Variants in F13A1 observed in about 807,000 individuals in gnomAD.
F13A1 encodes coagulation factor XIII A chain.
A neutral mutation model predicts 80.1 loss-of-function variants in F13A1; 47 were observed. The ratio of observed to expected loss-of-function variants is 0.59; its 90% CI spans 0.46 to 0.75. The LOEUF is 0.75. F13A1 is among the 30% of genes least tolerant of loss of function. The pLI is 0.00. For synonymous variants in F13A1, 349 were observed against 344.9 expected, an observed-to-expected ratio of 1.01 and a Z score of -0.13; for missense variants, 817 against 930.4, an observed-to-expected ratio of 0.88 and a Z score of 1.59.
intron 6 of F13A1, among the ~76,000 whole-genome samples, chr6:6,231,211 A>G (rs1006501655): frequency 1.3e-5 from 2 of 152,230 alleles, no homozygotes; most frequent in African/African-American, 4.8e-5. Context: ...ATTCAAGGAA[A>G]TAGATAGCTT....
chr6:6,240,691 C>A (rs916084620), intron 6 of F13A1, among the ~76,000 whole-genome samples: 2 of 152,136 alleles, frequency 1.3e-5, no homozygotes, highest in African/African-American at 4.8e-5. Flanking sequence ...TCTATTTTCC[C>A]ACTGGCTTCC....
intron 8 of F13A1, among the ~76,000 whole-genome samples, chr6:6,209,185 C>A (rs763418271): frequency 6.6e-6 from 1 of 151,678 alleles, no homozygotes; most frequent in African/African-American, 2.4e-5. Flanking sequence ...ATATGAATAA[C>A]CATTTTGCCA....
chr6:6,194,910 C>A (rs1761263417), intron 10 of F13A1, among the ~76,000 whole-genome samples: 1 of 152,148 alleles, frequency 6.6e-6, no homozygotes, highest in Non-Finnish European at 1.5e-5. Context: ...CTTAATCACT[C>A]TTTGCCTCGA....
intron 10 of F13A1, among the ~76,000 whole-genome samples, chr6:6,190,565 G>A (rs945975359): frequency 4.6e-4 from 70 of 151,554 alleles, no homozygotes; most frequent in Non-Finnish European, 8.5e-4. Flanking sequence ...CCCACTTGAG[G>A]AGGCAGTCTG....
At chr6:6,216,259 C>T (rs917298408) in intron 8 of F13A1, among the ~76,000 whole-genome samples, 82 of 152,002 alleles carry the variant, frequency 5.4e-4, no homozygotes, top group Non-Finnish European at 6.6e-4. Flanking sequence ...AGGCATCACA[C>T]TACCTGACTT....
Position 6,144,753 on chromosome 6 carries a change from A to T in F13A1, c.*866T>A, listed in dbSNP as rs1002983464. The T allele has an allele frequency of 6.6e-6, 1 of 152,606 alleles. No individual in the cohort carries two copies. The highest frequency in any genetic ancestry group is 2.4e-5 in the African/African-American group (1 of 41,448). 9.5% of individuals were successfully genotyped at this position (152,606 alleles called of 1,614,324 possible). On this transcript the variant is annotated 3_prime_UTR_variant, in exon 15 of 15. Coordinates refer to ENST00000264870, the MANE Select transcript of F13A1 (RefSeq NM_000129.4). ...CTGAAAGGGGACCTGAACCTGCATCATTCTGCAAAGGAGATGATTCCTGAG... is the reference window on the plus strand; with the variant it reads ...CTGAAAGGGGACCTGAACCTGCATCTTTCTGCAAAGGAGATGATTCCTGAG...
intron 6 of F13A1, among the ~76,000 whole-genome samples, chr6:6,247,897 T>G (rs533936303): frequency 6.6e-6 from 1 of 152,262 alleles, no homozygotes; most frequent in African/African-American, 2.4e-5. Flanking sequence ...CATTCATTTC[T>G]TCACTCTTAC....
Position 6,243,357 on chromosome 6 carries a change from T to TCAC in F13A1, c.798+4952_798+4954dup, listed in dbSNP as rs75163414. Among the ~76,000 whole-genome samples, 4 of 151,750 alleles carry TCAC rather than the reference T, an allele frequency of 2.6e-5. No individual in the cohort carries two copies. Among genetic ancestry groups the TCAC allele is most frequent in the Non-Finnish European group, 5.9e-5 (4 of 67,916 alleles). ...ACCACCACCATCATCACTAACTCTA[T>TCAC]CACCACCACCACCAAACACCACCAC... On this transcript the variant is annotated intron_variant, in intron 6 of 14. Coordinates refer to ENST00000264870, the MANE Select transcript of F13A1 (RefSeq NM_000129.4). This position sits in a 1 kb window ranked among gnomAD's most constrained non-coding sequence, Gnocchi z 4.2.
At chr6:6,177,287 C>T (rs1331028045) in intron 11 of F13A1, among the ~76,000 whole-genome samples, 1 of 152,184 alleles carries the variant, frequency 6.6e-6, no homozygotes, top group Non-Finnish European at 1.5e-5. Context: ...TCCACTGTCA[C>T]CTCCCCTGTC....
At chr6:6,161,013 G>C (rs1044060137) in intron 13 of F13A1, among the ~76,000 whole-genome samples, 1 of 152,080 alleles carries the variant, frequency 6.6e-6, no homozygotes, top group Non-Finnish European at 1.5e-5. Context: ...TCCTGCAAAG[G>C]CTGCAGGACT....
intron 14 of F13A1, among the ~76,000 whole-genome samples, chr6:6,151,420 A>C (rs1466834856): frequency 1.3e-5 from 2 of 152,186 alleles, no homozygotes; most frequent in Non-Finnish European, 2.9e-5. Context: ...AAAGATGAGA[A>C]GAGACCATAC....
intron 8 of F13A1, among the ~76,000 whole-genome samples, chr6:6,211,542 C>T (rs187826819): frequency 2.5e-4 from 38 of 152,328 alleles, no homozygotes; most frequent in African/African-American, 7.5e-4. Flanking sequence ...ACTTGGAATT[C>T]GTTTTTAGAT....
intron 7 of F13A1, among the ~76,000 whole-genome samples, chr6:6,222,790 C>A (rs1415932234): frequency 6.6e-6 from 1 of 152,196 alleles, no homozygotes; most frequent in Admixed American, 6.5e-5. Flanking sequence ...AGATTAATGA[C>A]TTGGCTTGCC....
intron 3 of F13A1, among the ~76,000 whole-genome samples, chr6:6,301,857 A>G (rs548688995): frequency 6.6e-6 from 1 of 152,282 alleles, no homozygotes; most frequent in South Asian, 2.1e-4. Flanking sequence ...CCTTGGCTCA[A>G]GGCGAGACAA....
At chr6:6,302,121 G>A (rs1057356055) in intron 3 of F13A1, among the ~76,000 whole-genome samples, 12 of 152,050 alleles carry the variant, frequency 7.9e-5, no homozygotes, top group South Asian at 2.1e-4. Flanking sequence ...TTTTCTGAAC[G>A]GCCTATGAGA....
intron 3 of F13A1, among the ~76,000 whole-genome samples, chr6:6,282,710 A>G (rs12664620): frequency 0.31 from 46,918 of 152,008 alleles, 8,039 homozygotes; most frequent in African/African-American, 0.46. Context: ...GCCTTAGCAG[A>G]AGAAAACTGC....
At chr6:6,279,700 C>G (rs1213045743) in intron 3 of F13A1, among the ~76,000 whole-genome samples, 1 of 152,156 alleles carries the variant, frequency 6.6e-6, no homozygotes, top group African/African-American at 2.4e-5. Context: ...TCTATGGAGC[C>G]AAAGCACCAT....
chr6:6,186,987 T>C (rs1459650952), intron 10 of F13A1, among the ~76,000 whole-genome samples: 3 of 117,004 alleles, frequency 2.6e-5, no homozygotes, highest in African/African-American at 3.5e-5. Flanking sequence ...TTTGAAGCAA[T>C]TGTGAATGGG....
intron 3 of F13A1, among the ~76,000 whole-genome samples, chr6:6,302,384 GGCAGAGCCTAC>G (rs1758446505): frequency 6.6e-6 from 1 of 152,172 alleles, no homozygotes; most frequent in African/African-American, 2.4e-5. Flanking sequence ...TAGGCTATAT[GGCAGAGCCTAC>G]TGCTGTTAGG....
Sources: gnomAD v4.1 joint callset for allele counts (sites outside exome capture counted in the v4.1 genomes callset) on GRCh38, gnomAD v4.1.1 for gene constraint, Gnocchi (gnomAD v3.1) non-coding constraint, MANE v1.5 for transcripts, NCBI Gene and HGNC (gene_info 2026-07-23, HGNC 2026-07-21) for gene names.